The following FAN1 variants were observed in gnomAD, a reference collection of about 807,000 sequenced individuals.
The protein encoded by FAN1 is fanconi-associated nuclease 1.
A neutral mutation model predicts 104.9 loss-of-function variants in FAN1; 91 were observed. That is an observed-to-expected ratio of 0.87 (90% CI 0.73 to 1.03). The LOEUF (loss-of-function observed/expected upper bound fraction) is 1.03, where lower values mean the gene tolerates loss of function less well. Among genes scored for constraint, FAN1 ranks in the 50% least tolerant of loss-of-function variants. The pLI, the probability that FAN1 is intolerant of heterozygous loss-of-function variation, is 0.00. For synonymous variants in FAN1, 478 were observed against 457.6 expected (o/e 1.04, Z -0.57); for missense variants, 1,263 against 1,239.9 (o/e 1.02, Z -0.28).
chr15:30,906,973 A>T (rs1452468588), intron 2 of FAN1, among the ~76,000 whole-genome samples: 1 of 152,138 alleles, frequency 6.6e-6, no homozygotes, highest in Non-Finnish European at 1.5e-5. Context: ...CAGTTTTCCT[A>T]GTGCAAGTTC....
chr15:30,929,510 G>T, intron 12 of FAN1, 113 bp downstream of exon 12: 2 of 563,188 alleles, frequency 3.6e-6, no homozygotes, highest in Non-Finnish European at 6.0e-6. Context: ...ATACATGTAT[G>T]TGTGTGCATA....
At position 30,928,644 on chromosome 15, in the gene FAN1, A is replaced by C; in HGVS notation, c.2580A>C (p.Arg860Ser). Reference sequence around the variant, plus strand: ...TGGATGGGATTCCGGATGTCTTCAGAAACGCCTGTCAGGTACTCCAGTGCC... The same window carrying C: ...TGGATGGGATTCCGGATGTCTTCAGCAACGCCTGTCAGGTACTCCAGTGCC... ...IFMDGIPDVF[R>S]NACQAFPLDL... Residue 860 changes from arginine to serine, a missense_variant, in exon 11 of 15, where the codon AGA (arginine) becomes AGC (serine). Transcript: ENST00000362065. 6.2e-7 allele frequency: 1 copy of C among 1,614,060 alleles called. No homozygotes were observed. Among genetic ancestry groups the C allele is most frequent in the South Asian group, 1.1e-5 (1 of 91,070 alleles).
At chr15:30,907,172 T>C (rs1014556895) in intron 2 of FAN1, among the ~76,000 whole-genome samples, 4 of 151,914 alleles carry the variant, frequency 2.6e-5, no homozygotes, top group Non-Finnish European at 4.4e-5. Context: ...CCTTGAACTC[T>C]TGGTCCCAAG....
intron 10 of FAN1, chr15:30,927,001 A>G (rs1402941767): frequency 4.1e-6 from 4 of 985,500 alleles, no homozygotes; most frequent in Non-Finnish European, 4.8e-6. Context: ...ACAAATGCAC[A>G]GCATGGACCA....
intron 13 of FAN1, among the ~76,000 whole-genome samples, chr15:30,935,361 A>G (rs186513881): frequency 4.6e-5 from 7 of 152,278 alleles, no homozygotes; most frequent in Admixed American, 4.6e-4. Context: ...AAGTTCTGCT[A>G]GTAATGAATT....
At chr15:30,917,559 A>G (rs78772304) in intron 5 of FAN1, among the ~76,000 whole-genome samples, 3,510 of 152,294 alleles carry the variant, frequency 0.023, 130 homozygotes, top group African/African-American at 0.08. Context: ...CCAAAATACA[A>G]TGAACATGTA....
In FAN1 at chr15:30,941,577, G is replaced by A; in HGVS notation, c.*15G>A. Reference sequence around the variant, plus strand: ...CTTCGTCTGCACAGATTCCCTACAGGAGAAAATGGAAATGAGGAGGAGAGA... The same window carrying A: ...CTTCGTCTGCACAGATTCCCTACAGAAGAAAATGGAAATGAGGAGGAGAGA... On this transcript the variant is annotated 3_prime_UTR_variant, in exon 15 of 15. Coordinates refer to ENST00000362065, the MANE Select transcript of FAN1 (RefSeq NM_014967.5). 6.2e-7 allele frequency: 1 copy of A among 1,600,436 alleles called. No individual in the cohort carries two copies. Among genetic ancestry groups the A allele is most frequent in the Non-Finnish European group, 8.5e-7 (1 of 1,172,944 alleles).
chr15:30,917,123 A>C (rs1010440496), intron 5 of FAN1, among the ~76,000 whole-genome samples: 1 of 152,214 alleles, frequency 6.6e-6, no homozygotes, highest in African/African-American at 2.4e-5. Flanking sequence ...GTTTGGAAGC[A>C]GTAAAGACAA....
chr15:30,922,943 C>A (rs892842545), intron 8 of FAN1, among the ~76,000 whole-genome samples: 5 of 152,236 alleles, frequency 3.3e-5, no homozygotes, highest in Admixed American at 3.3e-4. Context: ...CACAGCCAGG[C>A]GGGTGAGGCC....
intron 8 of FAN1, among the ~76,000 whole-genome samples, chr15:30,924,160 C>T (rs1417235275): frequency 2.0e-5 from 3 of 152,240 alleles, no homozygotes; most frequent in Admixed American, 1.3e-4. Context: ...TCACCCGCAT[C>T]GTGGCACATG....
chr15:30,905,144 A>C lies in FAN1; in HGVS notation c.481A>C (p.Arg161=), dbSNP rs1439671088. Residue 161 remains arginine, a synonymous_variant, in exon 2 of 15, where the codon AGA becomes CGA. Coordinates refer to ENST00000362065, the MANE Select transcript of FAN1 (RefSeq NM_014967.5). Reference sequence around the variant, plus strand: ...GGGAAGCCTAGCATCTAAATTGTCCAGAAAATACGTAAAGGCTAAAAAATC... The same window carrying C: ...GGGAAGCCTAGCATCTAAATTGTCCCGAAAATACGTAAAGGCTAAAAAATC... The part of the protein sequence containing the change: ...CLGSLASKLS[R]KYVKAKKSID... 12 of 1,613,888 alleles carry C rather than the reference A, an allele frequency of 7.4e-6. No individual in the cohort carries two copies. Among genetic ancestry groups the C allele is most frequent in the Non-Finnish European group, 9.3e-6 (11 of 1,180,034 alleles).
chr15:30,904,736 AAAG>A lies in FAN1; in HGVS notation c.74_76del (p.Lys25_Ala26delinsThr), dbSNP rs1196253713. 7 of 1,611,424 alleles carry A rather than the reference AAAG, an allele frequency of 4.3e-6. No homozygotes were observed. In the South Asian group the frequency reaches 6.6e-5, roughly 15 times the overall value. On this transcript the variant is annotated inframe_deletion, in exon 2 of 15. Transcript: ENST00000362065. ...CTTATCAATCAGCAAGAATAAGAAA[AAAG>A]CATCTAATTCTATTATTTCGTGTTT... is the stretch of plus-strand genomic sequence containing the variant.
chr15:30,908,068 T>A (rs1269566865), intron 2 of FAN1, 50 bp from the exon 3 acceptor site: 1 of 1,514,390 alleles, frequency 6.6e-7, no homozygotes, highest in Non-Finnish European at 9.0e-7. Context: ...CACCTTAGGT[T>A]TAAAAGGTAA....
In FAN1 at chr15:30,942,146, A is replaced by AAACT. The variant is rs1416992457; in HGVS notation, c.*585_*588dup. ...GATTGAAGGATGCAATGGCAAATAT[A>AAACT]AACTCAATACTATGAAAAATTAATG... On this transcript the variant is annotated 3_prime_UTR_variant, in exon 15 of 15. Transcript: ENST00000362065. The AAACT allele has an allele frequency of 1.4e-6, 2 of 1,474,146 alleles. No homozygotes were observed. Among genetic ancestry groups the AAACT allele is most frequent in the Non-Finnish European group, 1.8e-6 (2 of 1,090,850 alleles). 91.3% of individuals were successfully genotyped at this position (1,474,146 alleles called of 1,614,324 possible).
chr15:30,905,952 T>C (rs769610589), intron 2 of FAN1, 55 bp downstream of exon 2: 4 of 1,514,940 alleles, frequency 2.6e-6, no homozygotes, highest in African/African-American at 1.4e-5. Flanking sequence ...GCTGCTCTGA[T>C]TGGGGCATGA....
intron 8 of FAN1, among the ~76,000 whole-genome samples, chr15:30,923,487 C>A (rs569918197): frequency 6.6e-5 from 10 of 152,346 alleles, no homozygotes; most frequent in African/African-American, 2.4e-4. Flanking sequence ...TCCTCCTAAC[C>A]TCTGTTTCCA....
intron 14 of FAN1, chr15:30,940,188 G>C (rs2062992000): frequency 1.0e-6 from 1 of 985,072 alleles, no homozygotes; most frequent in Non-Finnish European, 1.2e-6. Context: ...GGAGTGTGGG[G>C]GAGGTGGTGC....
At position 30,928,539 on chromosome 15, in the gene FAN1, T is replaced by TGA. The variant is rs1555402641; in HGVS notation, c.2489-13_2489-12dup. On this transcript the variant is annotated splice_polypyrimidine_tract_variant and intron_variant, in intron 10 of 14. Transcript: ENST00000362065. ...GTGTGTGTGTGTGTGTGTGTGTGTG[T>TGA]GACCTTGTCTTAGGGATTCATGGCG... The TGA allele has an allele frequency of 8.7e-6, 14 of 1,611,206 alleles. No homozygotes were observed. Among genetic ancestry groups the TGA allele is most frequent in the Middle Eastern group, 1.7e-4 (1 of 6,054 alleles).
intron 4 of FAN1, among the ~76,000 whole-genome samples, chr15:30,911,972 G>T (rs2062109338): frequency 6.6e-6 from 1 of 151,658 alleles, no homozygotes; most frequent in South Asian, 2.1e-4. Flanking sequence ...TGAGTCAGGA[G>T]AATTGCCTGA....
Sources: gnomAD v4.1 joint callset for allele counts (sites outside exome capture counted in the v4.1 genomes callset) on GRCh38, gnomAD v4.1.1 for gene constraint, MANE v1.5 for transcripts, NCBI Gene and HGNC (gene_info 2026-07-23, HGNC 2026-07-21) for gene names.